WWOX: variants seen among roughly 807,000 people sequenced by gnomAD.
The protein encoded by WWOX is WW domain-containing oxidoreductase.
Under a neutral mutation model 46.2 loss-of-function variants are expected in WWOX, and 69 were observed. The ratio of observed to expected loss-of-function variants is 1.49; its 90% CI spans 1.23 to 1.82. The LOEUF is 1.82. Among genes scored for constraint, WWOX ranks in the 40% most tolerant of loss-of-function variants. The probability of loss-of-function intolerance (pLI) is 0.00; values close to 1 mark genes in which losing one functional copy is unlikely to be tolerated. For missense variants in WWOX, 919 were observed against 542.6 expected (o/e 1.69, Z -6.89); for synonymous variants, 359 against 202.6 (o/e 1.77, Z -6.56).
At chr16:78,769,077 C>G (rs1422878694) in intron 8 of WWOX, among the ~76,000 whole-genome samples, 2 of 152,140 alleles carry the variant, frequency 1.3e-5, no homozygotes, top group African/African-American at 2.4e-5. Context: ...GCAGGGGCCA[C>G]AAGGCCATCT....
chr16:79,106,243 ACTT>A (rs1411926178), intron 8 of WWOX, among the ~76,000 whole-genome samples: 1 of 152,168 alleles, frequency 6.6e-6, no homozygotes, highest in Non-Finnish European at 1.5e-5. Flanking sequence ...CCTTAAATAA[ACTT>A]CTTCATCCCT....
Position 78,343,185 on chromosome 16 carries a change from C to T in WWOX, c.517-43675C>T, listed in dbSNP as rs2081043656. 5.8e-5 allele frequency among the ~76,000 whole-genome samples: 7 copies of T among 119,890 alleles called. 2 individuals carry two copies. In the South Asian group the frequency reaches 1.8e-3, roughly 30 times the overall value. 78.7% of individuals were successfully genotyped at this position (119,890 alleles called of 152,430 possible). ...CATGACTCTGCTTTCTGGGTGTCCT[C>T]TGTGGGCTCTCAGCAGTGTCCCCGA... On this transcript the variant is annotated intron_variant, in intron 5 of 8. Transcript: ENST00000566780.
intron 8 of WWOX, among the ~76,000 whole-genome samples, chr16:78,446,730 G>A (rs548662223): frequency 1.5e-4 from 20 of 130,264 alleles, no homozygotes; most frequent in African/African-American, 5.9e-4. Flanking sequence ...GCATTTTCTC[G>A]GCTCACTGCA....
intron 8 of WWOX, among the ~76,000 whole-genome samples, chr16:78,712,843 T>C (rs942214939): frequency 1.3e-5 from 2 of 152,174 alleles, no homozygotes; most frequent in Non-Finnish European, 2.9e-5. Context: ...AAAATGTTCA[T>C]GTTAAATTAT....
chr16:78,866,374 C>T (rs1480528448), intron 8 of WWOX, among the ~76,000 whole-genome samples: 2 of 151,966 alleles, frequency 1.3e-5, no homozygotes, highest in East Asian at 3.9e-4. Flanking sequence ...ATTGTGACTC[C>T]CTCATTAAAG....
intron 5 of WWOX, among the ~76,000 whole-genome samples, chr16:78,282,878 CAAAAAAAA>C (rs60994323): frequency 1.3e-4 from 9 of 68,808 alleles, no homozygotes; most frequent in African/African-American, 4.3e-4. Context: ...CACTCCATCT[CAAAAAAAA>C]AAAAAAAAAA....
intron 8 of WWOX, among the ~76,000 whole-genome samples, chr16:79,027,623 C>T (rs1358587662): frequency 1.3e-5 from 2 of 151,840 alleles, no homozygotes; most frequent in Non-Finnish European, 2.9e-5. Flanking sequence ...TCTTCCTTTC[C>T]TATCGTGAAT....
At chr16:78,105,234 G>C (rs763739639) in intron 1 of WWOX, among the ~76,000 whole-genome samples, 2 of 152,200 alleles carry the variant, frequency 1.3e-5, no homozygotes, top group African/African-American at 2.4e-5. Flanking sequence ...GGCCGAGGCA[G>C]GTGGATCAGT....
chr16:78,900,560 C>T (rs930489142), intron 8 of WWOX, among the ~76,000 whole-genome samples: 5 of 152,104 alleles, frequency 3.3e-5, no homozygotes, highest in African/African-American at 7.2e-5. Flanking sequence ...TTGGATATTT[C>T]GTGGCCTTCA....
In WWOX at chr16:78,874,651, C is replaced by G. The variant is rs116624071; in HGVS notation, c.1057-336957C>G. 8.3e-3 allele frequency among the ~76,000 whole-genome samples: 1,230 copies of G among 148,342 alleles called. 12 individuals are homozygous for G. The highest frequency in any genetic ancestry group is 0.029 in the African/African-American group (1,171 of 40,324). ...GGGTAGTGGACAAAAATTGAAACAC[C>G]TTCAACTGTGTCTGTGACCAGAAGA... On this transcript the variant is annotated intron_variant, in intron 8 of 8. Coordinates refer to ENST00000566780, the MANE Select transcript of WWOX (RefSeq NM_016373.4).
chr16:78,642,547 T>G lies in WWOX; in HGVS notation c.1056+209795T>G, dbSNP rs1041301102. 2.0e-5 allele frequency among the ~76,000 whole-genome samples: 3 copies of G among 152,240 alleles called. No individual in the cohort carries two copies. In the East Asian group the frequency reaches 5.8e-4, roughly 29 times the overall value. ...TCCTCAGTTATTTGTTCCTGTGATTTTCGCGCCACCAGGAGCCACTTGTTG... is the reference window on the plus strand; with the variant it reads ...TCCTCAGTTATTTGTTCCTGTGATTGTCGCGCCACCAGGAGCCACTTGTTG... On this transcript the variant is annotated intron_variant, in intron 8 of 8. Coordinates refer to ENST00000566780, the MANE Select transcript of WWOX (RefSeq NM_016373.4).
intron 8 of WWOX, among the ~76,000 whole-genome samples, chr16:79,013,843 T>G (rs1014389251): frequency 6.6e-6 from 1 of 152,194 alleles, no homozygotes; most frequent in African/African-American, 2.4e-5. Context: ...ATTCTACTTT[T>G]CATTCTCGCT....
At chr16:78,943,207 C>G (rs1421216387) in intron 8 of WWOX, among the ~76,000 whole-genome samples, 11 of 152,138 alleles carry the variant, frequency 7.2e-5, no homozygotes, top group East Asian at 1.9e-4. Flanking sequence ...TTGCACTTTA[C>G]AAATAACCTC....
chr16:78,492,873 G>A (rs1234934054), intron 8 of WWOX, among the ~76,000 whole-genome samples: 1 of 152,104 alleles, frequency 6.6e-6, no homozygotes, highest in East Asian at 1.9e-4. Context: ...GAGACGGCAA[G>A]TACCCAGTGT....
At chr16:78,995,451 T>C (rs1207291500) in intron 8 of WWOX, among the ~76,000 whole-genome samples, 5 of 152,046 alleles carry the variant, frequency 3.3e-5, no homozygotes, top group African/African-American at 4.8e-5. Flanking sequence ...GAAAGAATGG[T>C]TTCTTCACAG....
chr16:78,436,795 A>G (rs1244136057), intron 8 of WWOX, among the ~76,000 whole-genome samples: 1 of 152,198 alleles, frequency 6.6e-6, no homozygotes, highest in Non-Finnish European at 1.5e-5. Context: ...ACTGACTGGA[A>G]AAGTCACCCT....
chr16:78,816,502 C>CTTTTTTTTTTTTT lies in WWOX; in HGVS notation c.1056+383768_1056+383780dup, dbSNP rs55814418. Among the ~76,000 whole-genome samples the CTTTTTTTTTTTTT allele has an allele frequency of 9.5e-5, 4 of 42,088 alleles. 1 individual carries two copies. Among genetic ancestry groups the CTTTTTTTTTTTTT allele is most frequent in the Non-Finnish European group, 1.7e-4 (4 of 23,764 alleles). The allele number at this position is 42,088 out of a possible 152,430, so 27.6% of individuals were successfully genotyped here. The stretch of plus-strand genomic sequence containing the variant: ...ATCTACCAGACAAGAAGGAGCCACT[C>CTTTTTTTTTTTTT]TTTTTTTTTTTTTTTTTTTTTTTTT... On this transcript the variant is annotated intron_variant, in intron 8 of 8. Coordinates refer to ENST00000566780, the MANE Select transcript of WWOX (RefSeq NM_016373.4).
chr16:78,622,167 A>G (rs72805024), intron 8 of WWOX, among the ~76,000 whole-genome samples: 7,680 of 152,220 alleles, frequency 0.05, 289 homozygotes, highest in Non-Finnish European at 0.073. Context: ...TTGGGATTCT[A>G]TCCTTTTTCT....
chr16:78,530,180 C>T (rs938723094), intron 8 of WWOX, among the ~76,000 whole-genome samples: 20 of 152,080 alleles, frequency 1.3e-4, no homozygotes, highest in African/African-American at 4.3e-4. Context: ...CAGGGGATGC[C>T]CGTGACCCCT....
Sources: gnomAD v4.1 joint callset for allele counts (sites outside exome capture counted in the v4.1 genomes callset) on GRCh38, gnomAD v4.1.1 for gene constraint, MANE v1.5 for transcripts, NCBI Gene and HGNC (gene_info 2026-07-23, HGNC 2026-07-21) for gene names.